CDH12: variants seen among roughly 807,000 people sequenced by gnomAD.
CDH12 encodes the protein cadherin 12.
CDH12 carries 41 observed loss-of-function variants against 74.1 expected under a neutral mutation model. The observed-to-expected ratio is 0.55, with a 90% CI of 0.43 to 0.72. The LOEUF is 0.72. Among genes scored for constraint, CDH12 ranks in the 30% least tolerant of loss-of-function variants. The probability of loss-of-function intolerance (pLI) is 0.00; values close to 1 mark genes in which losing one functional copy is unlikely to be tolerated. For missense variants in CDH12, 945 were observed against 977.2 expected (o/e 0.97, Z 0.44); for synonymous variants, 399 against 355.0 (o/e 1.12, Z -1.39).
intron 12 of CDH12, among the ~76,000 whole-genome samples, chr5:21,761,785 G>GATAGATA (rs1561161660): frequency 1.1e-3 from 109 of 100,916 alleles, no homozygotes; most frequent in African/African-American, 3.5e-3. Context: ...ATAGATAGAT[G>GATAGATA]ATAGATATCA....
At chr5:21,920,891 CAAAG>C (rs1008857305) in intron 6 of CDH12, among the ~76,000 whole-genome samples, 4 of 151,952 alleles carry the variant, frequency 2.6e-5, no homozygotes, top group African/African-American at 9.7e-5. Flanking sequence ...AGTAGTGAGG[CAAAG>C]AAAGAAGAAT....
intron 4 of CDH12, among the ~76,000 whole-genome samples, chr5:22,137,699 G>C (rs1746541900): frequency 6.6e-6 from 1 of 151,982 alleles, no homozygotes; most frequent in Non-Finnish European, 1.5e-5. Flanking sequence ...GCCTATTCTT[G>C]TAACATTAAC....
intron 3 of CDH12, among the ~76,000 whole-genome samples, chr5:22,268,363 G>T (rs1736228558): frequency 6.6e-6 from 1 of 152,146 alleles, no homozygotes; most frequent in Non-Finnish European, 1.5e-5. Context: ...GGGGAATAGT[G>T]TAAAATATTG....
At chr5:22,558,157 A>C (rs1336565509) in intron 1 of CDH12, among the ~76,000 whole-genome samples, 1 of 152,106 alleles carries the variant, frequency 6.6e-6, no homozygotes, top group Non-Finnish European at 1.5e-5. Flanking sequence ...GCATATGCAA[A>C]GAGATAAACC....
At chr5:22,788,675 T>G (rs1463288037) in intron 1 of CDH12, among the ~76,000 whole-genome samples, 1 of 148,392 alleles carries the variant, frequency 6.7e-6, no homozygotes, top group African/African-American at 2.4e-5. Flanking sequence ...ATATAAAATA[T>G]GATATAACAT....
intron 2 of CDH12, among the ~76,000 whole-genome samples, chr5:22,478,274 C>T (rs1383675139): frequency 2.0e-5 from 3 of 151,668 alleles, no homozygotes; most frequent in African/African-American, 7.3e-5. Context: ...AAAAATAAGC[C>T]GGGCGAGGTG....
chr5:22,209,471 A>G (rs1751407089), intron 4 of CDH12, among the ~76,000 whole-genome samples: 1 of 152,164 alleles, frequency 6.6e-6, no homozygotes. Flanking sequence ...ACTTCCTTTT[A>G]ATCGCATTTC....
intron 1 of CDH12, among the ~76,000 whole-genome samples, chr5:22,696,784 G>A (rs1742386728): frequency 6.6e-6 from 1 of 152,036 alleles, no homozygotes; most frequent in Non-Finnish European, 1.5e-5. Context: ...TGTCATCTCA[G>A]TGTTTTTAAA....
intron 5 of CDH12, among the ~76,000 whole-genome samples, chr5:21,988,727 A>G (rs1357499760): frequency 6.6e-6 from 1 of 152,102 alleles, no homozygotes; most frequent in Non-Finnish European, 1.5e-5. Context: ...CTAAAGGTTG[A>G]ATAGAGGACC....
At chr5:22,343,101 C>T (rs369666260) in intron 3 of CDH12, among the ~76,000 whole-genome samples, 3 of 151,686 alleles carry the variant, frequency 2.0e-5, no homozygotes, top group Non-Finnish European at 4.4e-5. Flanking sequence ...GTGAGCTGCC[C>T]GCCTCAGCCT....
chr5:21,870,211 G>A (rs1288873112), intron 6 of CDH12, among the ~76,000 whole-genome samples: 1 of 152,138 alleles, frequency 6.6e-6, no homozygotes, highest in Non-Finnish European at 1.5e-5. Context: ...AAATTGCCCA[G>A]TCTTGGGTAT....
At chr5:21,815,746 A>C (rs1236386475) in intron 9 of CDH12, among the ~76,000 whole-genome samples, 1 of 152,172 alleles carries the variant, frequency 6.6e-6, no homozygotes, top group Non-Finnish European at 1.5e-5. Context: ...TACACGCATC[A>C]GTATGCTTCC....
At chr5:22,664,508 T>C (rs774748112) in intron 1 of CDH12, among the ~76,000 whole-genome samples, 3 of 152,074 alleles carry the variant, frequency 2.0e-5, no homozygotes, top group Non-Finnish European at 2.9e-5. Context: ...TTCAATTATC[T>C]CCACCTGATC....
chr5:22,095,555 T>C (rs1267460159), intron 4 of CDH12, among the ~76,000 whole-genome samples: 1 of 151,860 alleles, frequency 6.6e-6, no homozygotes, highest in African/African-American at 2.4e-5. Flanking sequence ...TCCAACTCCT[T>C]CTCTCCATGT....
rs539894354 is a variant in CDH12, at chr5:21,978,443, CTTCT to C, written c.232-3062_232-3059del. Among the ~76,000 whole-genome samples, 30 of 152,206 alleles carry C rather than the reference CTTCT, an allele frequency of 2.0e-4. No homozygotes were observed. The South Asian group carries it at 5.2e-3, about 26-fold the overall frequency. Reference sequence around the variant, plus strand: ...TCGGCATGAGCCACTGCGCCCTGCCCTTCTTTGTTATTTTTATATGTTTCAGTTA... The same window carrying C: ...TCGGCATGAGCCACTGCGCCCTGCCCTTGTTATTTTTATATGTTTCAGTTA... On this transcript the variant is annotated intron_variant, in intron 5 of 14. Coordinates refer to ENST00000382254, the MANE Select transcript of CDH12 (RefSeq NM_004061.5).
At chr5:22,135,083 G>A (rs2150291256) in intron 4 of CDH12, among the ~76,000 whole-genome samples, 1 of 152,006 alleles carries the variant, frequency 6.6e-6, no homozygotes, top group Admixed American at 6.6e-5. Flanking sequence ...ATAAAAGAAA[G>A]TAGTGTCTTT....
chr5:22,766,890 T>C (rs1327841904), intron 1 of CDH12, among the ~76,000 whole-genome samples: 1 of 152,118 alleles, frequency 6.6e-6, no homozygotes, highest in Non-Finnish European at 1.5e-5. Flanking sequence ...AACTTGAACA[T>C]CTGCAGATTT....
chr5:22,423,752 C>T (rs1743758537), intron 2 of CDH12, among the ~76,000 whole-genome samples: 1 of 151,898 alleles, frequency 6.6e-6, no homozygotes, highest in Non-Finnish European at 1.5e-5. Context: ...GCGTGTAATC[C>T]CAGCACTTTG....
chr5:22,720,088 G>A (rs1743798928), intron 1 of CDH12, among the ~76,000 whole-genome samples: 1 of 151,942 alleles, frequency 6.6e-6, no homozygotes, highest in Non-Finnish European at 1.5e-5. Flanking sequence ...AAATATCTTT[G>A]TGACACTGAT....
Sources: gnomAD v4.1 joint callset for allele counts (sites outside exome capture counted in the v4.1 genomes callset) on GRCh38, gnomAD v4.1.1 for gene constraint, MANE v1.5 for transcripts, NCBI Gene and HGNC (gene_info 2026-07-23, HGNC 2026-07-21) for gene names.